The following FMNL2 variants were observed in gnomAD, a reference collection of about 807,000 sequenced individuals.
The protein encoded by FMNL2 is formin like 2, also known as formin-like protein 2.
FMNL2 carries 51 observed loss-of-function variants against 130.2 expected under a neutral mutation model. The observed-to-expected ratio is 0.39, with a 90% CI of 0.31 to 0.49. The LOEUF is 0.49. Among genes scored for constraint, FMNL2 ranks in the 20% least tolerant of loss-of-function variants. The probability of loss-of-function intolerance (pLI) is 0.85; values close to 1 mark genes in which losing one functional copy is unlikely to be tolerated. For missense variants in FMNL2, 977 were observed against 1,316.2 expected (o/e 0.74, Z 3.99); for synonymous variants, 465 against 467.1 (o/e 1.00, Z 0.06).
At chr2:152,484,174 A>G (rs1228727709) in intron 1 of FMNL2, among the ~76,000 whole-genome samples, 1 of 152,158 alleles carries the variant, frequency 6.6e-6, no homozygotes, top group Non-Finnish European at 1.5e-5. Context: ...TAACAGAGTC[A>G]CTGGTGTGCA....
intron 4 of FMNL2, among the ~76,000 whole-genome samples, chr2:152,553,604 A>T (rs1695051861): frequency 6.6e-6 from 1 of 151,396 alleles, no homozygotes; most frequent in South Asian, 2.1e-4. Flanking sequence ...AACCCCAATA[A>T]GCTTTTGTTT....
chr2:152,408,721 A>G (rs1686130419), intron 1 of FMNL2, among the ~76,000 whole-genome samples: 1 of 152,226 alleles, frequency 6.6e-6, no homozygotes, highest in Non-Finnish European at 1.5e-5. Flanking sequence ...ACATTAGCCT[A>G]TAGTTGGCAA....
intron 1 of FMNL2, among the ~76,000 whole-genome samples, chr2:152,380,164 G>A (rs1294153669): frequency 2.6e-5 from 4 of 152,100 alleles, no homozygotes; most frequent in Admixed American, 2.6e-4. Context: ...CAAGAATAAG[G>A]TTAGTTCATC....
chr2:152,483,169 A>G (rs1690626972), intron 1 of FMNL2, among the ~76,000 whole-genome samples: 1 of 151,782 alleles, frequency 6.6e-6, no homozygotes, highest in African/African-American at 2.4e-5. Context: ...TGGTATTTTG[A>G]CTCTTTAAAA....
At chr2:152,617,916 A>C (rs1699039503) in intron 13 of FMNL2, among the ~76,000 whole-genome samples, 1 of 152,216 alleles carries the variant, frequency 6.6e-6, no homozygotes, top group Non-Finnish European at 1.5e-5. Context: ...ATATCCTGAC[A>C]TGTCCTACAG....
intron 9 of FMNL2, among the ~76,000 whole-genome samples, chr2:152,603,880 T>C (rs905216146): frequency 1.3e-5 from 2 of 151,108 alleles, no homozygotes; most frequent in South Asian, 2.2e-4. Flanking sequence ...TTAATCAGTT[T>C]ATAATTGGTA....
chr2:152,549,332 T>G (rs555862283), intron 4 of FMNL2, among the ~76,000 whole-genome samples: 2 of 152,302 alleles, frequency 1.3e-5, no homozygotes, highest in South Asian at 4.1e-4. Context: ...TTTGAGCGGG[T>G]GCAGTAAATA....
intron 22 of FMNL2, 115 bp from the exon 23 acceptor site, chr2:152,637,458 G>C: frequency 1.3e-6 from 1 of 772,406 alleles, no homozygotes; most frequent in Non-Finnish European, 2.2e-6. Flanking sequence ...GTGCAGCAAC[G>C]CAAGGCCATG....
chr2:152,643,719 A>G, intron 25 of FMNL2: 1 of 985,460 alleles, frequency 1.0e-6, no homozygotes, highest in Non-Finnish European at 1.2e-6. Context: ...CAATACATGT[A>G]TGTATTCACA....
At chr2:152,483,741 G>A (rs530512372) in intron 1 of FMNL2, among the ~76,000 whole-genome samples, 28 of 152,320 alleles carry the variant, frequency 1.8e-4, no homozygotes, top group Admixed American at 1.2e-3. Context: ...CTGCCAAGGC[G>A]CCAGCACTGC....
intron 15 of FMNL2, among the ~76,000 whole-genome samples, chr2:152,621,259 C>T (rs1699231429): frequency 6.6e-6 from 1 of 152,184 alleles, no homozygotes. Flanking sequence ...TGATTTAGCA[C>T]CCACTTCCAC....
At chr2:152,540,133 TA>T (rs1330491341) in intron 2 of FMNL2, among the ~76,000 whole-genome samples, 1 of 152,188 alleles carries the variant, frequency 6.6e-6, no homozygotes, top group Non-Finnish European at 1.5e-5. Flanking sequence ...TTTAAAAGGA[TA>T]ATATTTATTT....
chr2:152,607,502 CACACAT>C (rs1368895266), intron 10 of FMNL2, 89 bp downstream of exon 10: 28 of 848,532 alleles, frequency 3.3e-5, no homozygotes, highest in East Asian at 3.1e-4. Context: ...CACACACACA[CACACAT>C]ATTTATATTA....
At chr2:152,541,264 C>T (rs1274167795) in intron 2 of FMNL2, among the ~76,000 whole-genome samples, 1 of 152,108 alleles carries the variant, frequency 6.6e-6, no homozygotes, top group Non-Finnish European at 1.5e-5. Context: ...TCAGGTGGTT[C>T]TTCCACCTCA....
At position 152,575,123 on chromosome 2, in the gene FMNL2, T is replaced by G; in HGVS notation, c.597-13T>G. Reference sequence around the variant, plus strand: ...ACCTGTTGTTTTATAGAAGTTTCTCTTTTTGTTTGTAGATATAATACATTG... The same window carrying G: ...ACCTGTTGTTTTATAGAAGTTTCTCGTTTTGTTTGTAGATATAATACATTG... On this transcript the variant is annotated splice_polypyrimidine_tract_variant and intron_variant, in intron 6 of 25. Coordinates refer to ENST00000288670, the MANE Select transcript of FMNL2 (RefSeq NM_052905.4). 1 of 1,524,492 alleles carries G rather than the reference T, an allele frequency of 6.6e-7. No individual in the cohort carries two copies. The allele number at this position is 1,524,492 out of a possible 1,614,324, so 94.4% of individuals were successfully genotyped here. A position where few individuals can be genotyped will look rare whatever the true frequency, so the allele number is the denominator to read the frequency against.
intron 2 of FMNL2, among the ~76,000 whole-genome samples, chr2:152,522,311 T>C (rs1457456603): frequency 6.6e-6 from 1 of 152,234 alleles, no homozygotes; most frequent in Non-Finnish European, 1.5e-5. Context: ...TTTTGTTTGA[T>C]CGTAAAGTAC....
chr2:152,522,015 A>T lies in FMNL2; in HGVS notation c.190A>T (p.Ile64Phe). 1 of 1,610,270 alleles carries T rather than the reference A, an allele frequency of 6.2e-7. No individual in the cohort carries two copies. The highest frequency in any genetic ancestry group is 8.5e-7 in the Non-Finnish European group (1 of 1,178,918). The part of the protein sequence containing the change: ...QYDNEKKWEL[I>F]CDQERFQVKN... ...TGATAATGAGAAAAAATGGGAACTG[A>T]TTTGTGATCAGGTAAGAAACAGTGA... The change falls in exon 2 of 26, where the codon ATT (isoleucine) becomes TTT (phenylalanine). Residue 64 changes from isoleucine (I) to phenylalanine (F), a missense_variant. This residue lies in a region of FMNL2 where 117 missense variants were observed against 134.9 expected (regional missense o/e 0.87). Transcript: ENST00000288670.
At chr2:152,448,571 G>C (rs1688475618) in intron 1 of FMNL2, among the ~76,000 whole-genome samples, 1 of 152,062 alleles carries the variant, frequency 6.6e-6, no homozygotes, top group African/African-American at 2.4e-5. Flanking sequence ...AAACTCCTCG[G>C]GGTTTTCTCT....
chr2:152,373,992 G>A (rs181752402), intron 1 of FMNL2, among the ~76,000 whole-genome samples: 1 of 152,220 alleles, frequency 6.6e-6, no homozygotes, highest in African/African-American at 2.4e-5. Context: ...GTTGTGATTG[G>A]TTATATGGGC....
Sources: allele counts gnomAD v4.1 joint callset (sites outside exome capture counted in the v4.1 genomes callset), GRCh38; gene constraint gnomAD v4.1.1; regional missense constraint gnomAD v4.1.1; transcripts MANE v1.5; gene names NCBI Gene and HGNC (gene_info 2026-07-23, HGNC 2026-07-21).